The following DNAH17 variants were observed in gnomAD, a reference collection of about 807,000 sequenced individuals.
DNAH17 encodes dynein axonemal heavy chain 17.
A neutral mutation model predicts 485.6 loss-of-function variants in DNAH17; 376 were observed. That is an observed-to-expected ratio of 0.77 (90% CI 0.71 to 0.84). DNAH17 has a LOEUF of 0.84. Ranked by LOEUF, DNAH17 falls within the 40% of genes least tolerant of loss-of-function variation. The probability of loss-of-function intolerance (pLI) is 0.00; values close to 1 mark genes in which losing one functional copy is unlikely to be tolerated. For synonymous variants in DNAH17, 3,031 were observed against 2,405.9 expected (o/e 1.26, Z -7.60); for missense variants, 6,370 against 5,839.3 (o/e 1.09, Z -2.96).
chr17:78,504,414 T>C (rs186982767), intron 31 of DNAH17, among the ~76,000 whole-genome samples: 2 of 152,160 alleles, frequency 1.3e-5, no homozygotes. Flanking sequence ...CTCGCTGTGG[T>C]CTGCAGTTCT....
At chr17:78,567,654 T>A (rs569916996) in intron 9 of DNAH17, among the ~76,000 whole-genome samples, 1 of 152,296 alleles carries the variant, frequency 6.6e-6, no homozygotes, top group East Asian at 1.9e-4. Context: ...AATGCTTGGA[T>A]GGACACACGT....
At chr17:78,468,964 C>A in intron 54 of DNAH17, 81 bp from the exon 55 acceptor site, 1 of 1,498,756 alleles carries the variant, frequency 6.7e-7, no homozygotes, top group Non-Finnish European at 8.9e-7. Flanking sequence ...AACCAGAGCA[C>A]AGGGCCATTT....
chr17:78,518,034 A>G (rs988896662), intron 25 of DNAH17, among the ~76,000 whole-genome samples: 5 of 152,378 alleles, frequency 3.3e-5, no homozygotes, highest in Non-Finnish European at 4.4e-5. Context: ...GAATCACTCT[A>G]AATAAATCAG....
intron 51 of DNAH17, 146 bp from the exon 52 acceptor site, chr17:78,476,879 G>T (rs1173139930): frequency 2.0e-6 from 2 of 990,310 alleles, no homozygotes; most frequent in East Asian, 5.3e-5. Context: ...TGGGGCCAGG[G>T]AAGCCACTCA....
At position 78,526,943 on chromosome 17, in the gene DNAH17, C is replaced by A; in HGVS notation, c.3561G>T (p.Leu1187=). The change falls in exon 23 of 81, where the codon CTG becomes CTT. Residue 1187 remains leucine, a synonymous_variant. Transcript: ENST00000389840. ...CGTTGGCCTGGAGTGGTGCCACGGT[C>A]AGCTTCACCTGAATGGCCAGTTTCT... is the stretch of plus-strand genomic sequence containing the variant. The part of the protein sequence containing the change: ...NTKKLAIQVK[L]TVAPLQANEV... 1 of 1,588,998 alleles carries A rather than the reference C, an allele frequency of 6.3e-7. No individual in the cohort carries two copies. Among genetic ancestry groups the A allele is most frequent in the Admixed American group, 1.8e-5 (1 of 56,024 alleles).
intron 17 of DNAH17, among the ~76,000 whole-genome samples, chr17:78,543,119 T>C (rs866905618): frequency 0.013 from 427 of 32,106 alleles, 7 homozygotes; most frequent in African/African-American, 0.037. Flanking sequence ...TCATAGGTTT[T>C]GTTTTGTTTT....
At chr17:78,501,708 C>G in intron 34 of DNAH17, 34 bp downstream of exon 34, 1 of 1,605,998 alleles carries the variant, frequency 6.2e-7, no homozygotes, top group East Asian at 2.2e-5. Flanking sequence ...TCCCCTTGCC[C>G]TTCCCCTGGC....
chr17:78,450,219 T>C, intron 68 of DNAH17, 35 bp downstream of exon 68: 1 of 1,611,344 alleles, frequency 6.2e-7, no homozygotes, highest in South Asian at 1.1e-5. Context: ...AGCCCCACCT[T>C]GAGGGAGGCA....
In DNAH17 at chr17:78,433,981, G is replaced by GAGGGA. The variant is rs2086778957; in HGVS notation, c.12225+47_12225+48insTCCCT. ...GGAGGGAAGGAGGGAGGGAAGGAGG[G>GAGGGA]AAAGAGGGAGGGATATGTCCAAGTA... On this transcript the variant is annotated intron_variant, in intron 75 of 80. Transcript: ENST00000389840. The GAGGGA allele has an allele frequency of 3.4e-6, 5 of 1,479,086 alleles. No homozygotes were observed. In the East Asian group the frequency reaches 1.2e-4, roughly 36 times the overall value. The allele number at this position is 1,479,086 out of a possible 1,614,324, so 91.6% of individuals were successfully genotyped here.
intron 57 of DNAH17, among the ~76,000 whole-genome samples, chr17:78,462,592 G>A (rs957209724): frequency 2.0e-5 from 3 of 152,218 alleles, no homozygotes; most frequent in Non-Finnish European, 4.4e-5. Flanking sequence ...TGGGGCAGGT[G>A]CCATCCCCTG....
At chr17:78,472,672 C>T (rs1171202367) in intron 54 of DNAH17, 2 of 450,022 alleles carry the variant, frequency 4.4e-6, no homozygotes, top group Admixed American at 2.4e-5. Context: ...CTGAAGGTTT[C>T]GGATCCTGGA....
At chr17:78,565,858 G>C (rs780049754) in intron 11 of DNAH17, among the ~76,000 whole-genome samples, 1 of 152,160 alleles carries the variant, frequency 6.6e-6, no homozygotes, top group Non-Finnish European at 1.5e-5. Context: ...GCTGAGGCAG[G>C]AGAATCGTTT....
At chr17:78,543,306 C>T (rs1464909750) in intron 17 of DNAH17, among the ~76,000 whole-genome samples, 1 of 138,754 alleles carries the variant, frequency 7.2e-6, no homozygotes, top group Admixed American at 7.2e-5. Flanking sequence ...TTTTTTGAGA[C>T]GGAGTCTCGC....
At chr17:78,527,082 A>C in intron 22 of DNAH17, 86 bp from the exon 23 acceptor site, 1 of 1,230,888 alleles carries the variant, frequency 8.1e-7, no homozygotes, top group Non-Finnish European at 1.1e-6. Flanking sequence ...ACTGGTAAGA[A>C]GCTGCAAAAA....
At position 78,502,625 on chromosome 17, in the gene DNAH17, T is replaced by G; in HGVS notation, c.5156A>C (p.Tyr1719Ser). The G allele has an allele frequency of 6.2e-7, 1 of 1,613,426 alleles. No individual in the cohort carries two copies. Among genetic ancestry groups the G allele is most frequent in the Non-Finnish European group, 8.5e-7 (1 of 1,179,890 alleles). ...GTTATAATCTCTGATAGCGTTTTCA[T>G]AGCCTTCCTCCAGCCTGGCAAATGC... ...GLAFARLEEG[Y>S]ENAIRDYNKK... is the part of the protein sequence containing the mutation. The change falls in exon 33 of 81, where the codon TAT becomes TCT. Residue 1719 changes from tyrosine to serine, a missense_variant. By Grantham distance (144) the Tyr-to-Ser change is moderately radical. Transcript: ENST00000389840.
intron 2 of DNAH17, 126 bp from the exon 3 acceptor site, chr17:78,573,020 A>G (rs2092382972): frequency 8.9e-6 from 7 of 789,978 alleles, no homozygotes; most frequent in African/African-American, 1.8e-5. Flanking sequence ...TGGGTCCCGC[A>G]CAGAGCCAGG....
Position 78,507,209 on chromosome 17 carries a change from T to C in DNAH17, c.4676+69A>G, listed in dbSNP as rs77634186. ...CCAGCAGGCTGCACAAGACTTAAGTTCCGTCAGACTTAAGACTTAGGGAAT... is the reference window on the plus strand; with the variant it reads ...CCAGCAGGCTGCACAAGACTTAAGTCCCGTCAGACTTAAGACTTAGGGAAT... On this transcript the variant is annotated intron_variant, in intron 29 of 80. Transcript: ENST00000389840. 2,999 of 1,559,744 alleles carry C rather than the reference T, an allele frequency of 1.9e-3. 50 individuals carry two copies. In the African/African-American group the frequency reaches 0.036, roughly 19 times the overall value.
chr17:78,484,763 T>A, intron 48 of DNAH17, 105 bp downstream of exon 48: 1 of 405,926 alleles, frequency 2.5e-6, no homozygotes, highest in Non-Finnish European at 3.4e-6. Context: ...CCCACACCAG[T>A]CCTGCCCTAC....
At chr17:78,433,018 G>A (rs2086735576) in intron 75 of DNAH17, among the ~76,000 whole-genome samples, 3 of 151,706 alleles carry the variant, frequency 2.0e-5, no homozygotes, top group South Asian at 4.1e-4. Flanking sequence ...GCAGCTGAGT[G>A]CAGCTTTCTT....
Sources: gnomAD v4.1 joint callset for allele counts (sites outside exome capture counted in the v4.1 genomes callset) on GRCh38, gnomAD v4.1.1 for gene constraint, MANE v1.5 for transcripts, NCBI Gene and HGNC (gene_info 2026-07-23, HGNC 2026-07-21) for gene names.